RBFOX1: variants seen among roughly 807,000 people sequenced by gnomAD.
The protein encoded by RBFOX1 is RNA binding protein fox-1 homolog 1.
Under a neutral mutation model 57.7 loss-of-function variants are expected in RBFOX1, and 8 were observed. That is an observed-to-expected ratio of 0.14 (90% CI 0.08 to 0.25). The LOEUF is 0.25. Among genes scored for constraint, RBFOX1 ranks in the 10% least tolerant of loss-of-function variants. The pLI is 1.00. For synonymous variants in RBFOX1, 326 were observed against 222.4 expected, an observed-to-expected ratio of 1.47 and a Z score of -4.15; for missense variants, 611 against 548.5, an observed-to-expected ratio of 1.11 and a Z score of -1.14.
At chr16:5,282,188 C>T (rs138654856) in intron 1 of RBFOX1, among the ~76,000 whole-genome samples, 1,651 of 152,256 alleles carry the variant, frequency 0.011, 31 homozygotes, top group African/African-American at 0.037. Context: ...CTGCTGCCAT[C>T]CCTGTAAGAT....
chr16:5,858,729 G>C (rs1055290845), intron 3 of RBFOX1, among the ~76,000 whole-genome samples: 7 of 152,196 alleles, frequency 4.6e-5, no homozygotes, highest in Non-Finnish European at 8.8e-5. Flanking sequence ...GACATGTCTG[G>C]AGCCTGCAGA....
At chr16:5,726,904 G>A (rs1235204261) in intron 3 of RBFOX1, among the ~76,000 whole-genome samples, 2 of 152,092 alleles carry the variant, frequency 1.3e-5, no homozygotes, top group African/African-American at 4.8e-5. Context: ...GCTCAGAAAG[G>A]TTCTGTGACT....
At chr16:6,827,395 G>T (rs2092289060) in intron 3 of RBFOX1, among the ~76,000 whole-genome samples, 1 of 152,124 alleles carries the variant, frequency 6.6e-6, no homozygotes. Context: ...CATTATCGCT[G>T]GAGGGGAAGT....
chr16:6,943,811 AC>A (rs1021666328), intron 3 of RBFOX1, among the ~76,000 whole-genome samples: 2 of 152,070 alleles, frequency 1.3e-5, no homozygotes, highest in Non-Finnish European at 2.9e-5. Context: ...GTGTTCAAAA[AC>A]TGTGTTCAAA....
chr16:7,654,013 T>G, intron 12 of RBFOX1, 66 bp downstream of exon 12: 2 of 1,427,984 alleles, frequency 1.4e-6, no homozygotes, highest in Non-Finnish European at 1.8e-6. Context: ...GGCACGGAGC[T>G]GTTTGCGAGC....
intron 1 of RBFOX1, among the ~76,000 whole-genome samples, chr16:6,188,170 T>TA (rs1347062425): frequency 1.3e-5 from 2 of 152,150 alleles, no homozygotes; most frequent in African/African-American, 2.4e-5. Context: ...CTCAGTTGGA[T>TA]AAAAAATCCA....
In RBFOX1 at chr16:7,339,518, G is replaced by T. The variant is rs568193864; in HGVS notation, c.28-178629G>T. Among the ~76,000 whole-genome samples the T allele has an allele frequency of 7.2e-4, 109 of 152,290 alleles. No individual in the cohort carries two copies. The South Asian group carries it at 9.5e-3, about 13-fold the overall frequency. On this transcript the variant is annotated intron_variant, in intron 4 of 15. Coordinates refer to ENST00000550418, the MANE Select transcript of RBFOX1 (RefSeq NM_018723.4). The stretch of plus-strand genomic sequence containing the variant: ...TGCAGTGGCATGATCTCAGCTCACT[G>T]CACCTCCACCTGCCAAGTTCAAGTG...
chr16:5,740,495 T>C (rs2052734944), intron 3 of RBFOX1, among the ~76,000 whole-genome samples: 1 of 152,202 alleles, frequency 6.6e-6, no homozygotes, highest in Admixed American at 6.5e-5. Flanking sequence ...TGTAGCAAAC[T>C]CATGGATCAG....
At chr16:6,473,387 C>G (rs1297092061) in intron 2 of RBFOX1, among the ~76,000 whole-genome samples, 1 of 152,064 alleles carries the variant, frequency 6.6e-6, no homozygotes, top group East Asian at 1.9e-4. Flanking sequence ...GCTGACAACC[C>G]TAGCATCTTA....
chr16:7,430,109 A>G (rs989133281), intron 4 of RBFOX1, among the ~76,000 whole-genome samples: 1 of 152,242 alleles, frequency 6.6e-6, no homozygotes. Context: ...AACTTGTTCT[A>G]CTTTCTTGCC....
intron 2 of RBFOX1, among the ~76,000 whole-genome samples, chr16:6,397,067 T>C (rs1279356253): frequency 1.3e-5 from 2 of 152,110 alleles, no homozygotes; most frequent in Non-Finnish European, 1.5e-5. Flanking sequence ...TATGGGATAA[T>C]ATCAAATGTA....
intron 2 of RBFOX1, among the ~76,000 whole-genome samples, chr16:6,437,703 T>C (rs545900787): frequency 6.6e-6 from 1 of 152,202 alleles, no homozygotes; most frequent in South Asian, 2.1e-4. Flanking sequence ...CTTACAATCA[T>C]GGTGGAATGG....
intron 3 of RBFOX1, among the ~76,000 whole-genome samples, chr16:6,838,586 C>T (rs1449810634): frequency 6.6e-6 from 1 of 152,178 alleles, no homozygotes; most frequent in East Asian, 1.9e-4. Flanking sequence ...TCTTCTGCTG[C>T]CCCTCTGCTG....
At chr16:5,623,715 T>C (rs1295633504) in intron 3 of RBFOX1, among the ~76,000 whole-genome samples, 2 of 152,166 alleles carry the variant, frequency 1.3e-5, no homozygotes, top group Non-Finnish European at 2.9e-5. Context: ...ATTTGTTTTC[T>C]TTGTCCTTCC....
At chr16:6,548,625 GAATTA>G (rs1209331849) in intron 2 of RBFOX1, among the ~76,000 whole-genome samples, 2 of 152,188 alleles carry the variant, frequency 1.3e-5, no homozygotes, top group East Asian at 3.9e-4. Flanking sequence ...AAGGAAAAAA[GAATTA>G]AATTATAGAA....
chr16:6,748,426 C>T (rs908109472), intron 3 of RBFOX1, among the ~76,000 whole-genome samples: 12 of 152,144 alleles, frequency 7.9e-5, no homozygotes, highest in Admixed American at 3.9e-4. Flanking sequence ...TTTGGAAGGC[C>T]GAGGCAGGAG....
At chr16:5,578,515 A>G (rs2046545260) in intron 2 of RBFOX1, among the ~76,000 whole-genome samples, 1 of 152,206 alleles carries the variant, frequency 6.6e-6, no homozygotes, top group African/African-American at 2.4e-5. Context: ...GGCTAGAATA[A>G]AAGAACTGTC....
intron 3 of RBFOX1, among the ~76,000 whole-genome samples, chr16:6,675,909 G>T (rs1363430036): frequency 1.3e-5 from 2 of 148,354 alleles, no homozygotes; most frequent in Non-Finnish European, 3.0e-5. Context: ...ATATCACATG[G>T]GATGTGGTAT....
At chr16:7,321,958 G>A (rs2143023610) in intron 4 of RBFOX1, among the ~76,000 whole-genome samples, 1 of 152,336 alleles carries the variant, frequency 6.6e-6, no homozygotes, top group African/African-American at 2.4e-5. Flanking sequence ...CAGCTGCACA[G>A]CTTGGCACAG....
Sources: allele counts gnomAD v4.1 joint callset (sites outside exome capture counted in the v4.1 genomes callset), GRCh38; gene constraint gnomAD v4.1.1; transcripts MANE v1.5; gene names NCBI Gene and HGNC (gene_info 2026-07-23, HGNC 2026-07-21).